Variants in PLCB1 observed in about 807,000 individuals in gnomAD.
PLCB1 encodes 1-phosphatidylinositol 4,5-bisphosphate phosphodiesterase beta-1.
In PLCB1, 46 loss-of-function variants were observed where a neutral mutation model predicts 161.8. The observed-to-expected ratio is 0.28, with a 90% CI of 0.22 to 0.36. The LOEUF (loss-of-function observed/expected upper bound fraction) is 0.36. PLCB1 is among the 10% of genes least tolerant of loss of function. The pLI is 1.00. For missense variants in PLCB1, 1,016 were observed against 1,472.5 expected (o/e 0.69, Z 5.07); for synonymous variants, 517 against 503.7 (o/e 1.03, Z -0.35).
At chr20:8,670,902 C>T (rs958086048) in intron 9 of PLCB1, among the ~76,000 whole-genome samples, 7 of 152,210 alleles carry the variant, frequency 4.6e-5, no homozygotes, top group Admixed American at 6.5e-5. Flanking sequence ...CAGGAAAAAA[C>T]GTGAGCCGAG....
rs574801810 is a variant in PLCB1 at position 8,492,836 on chromosome 20, T to TTA, written c.246+121398_246+121399dup. 9.0e-4 allele frequency among the ~76,000 whole-genome samples: 116 copies of TTA among 129,200 alleles called. 1 individual carries two copies. In the East Asian group the frequency reaches 0.017, roughly 19 times the overall value. 84.8% of individuals were successfully genotyped at this position (129,200 alleles called of 152,430 possible). A position where few individuals can be genotyped will look rare whatever the true frequency, so the allele number is the denominator to read the frequency against. On this transcript the variant is annotated intron_variant, in intron 3 of 31. Coordinates refer to ENST00000338037, the MANE Select transcript of PLCB1 (RefSeq NM_015192.4). ...CTCAATTTCTACAAAGCAAACTTTATTATATATATATATGTGTGTGTGTGT... is the reference window on the plus strand; with the variant it reads ...CTCAATTTCTACAAAGCAAACTTTATTATATATATATATATGTGTGTGTGTGT...
chr20:8,811,842 C>G (rs1259561231), intron 31 of PLCB1, among the ~76,000 whole-genome samples: 3 of 152,166 alleles, frequency 2.0e-5, no homozygotes, highest in Non-Finnish European at 4.4e-5. Flanking sequence ...TACTCAGCCT[C>G]CTATAGCAGG....
intron 31 of PLCB1, among the ~76,000 whole-genome samples, chr20:8,793,273 A>G (rs1010068460): frequency 9.9e-5 from 15 of 152,192 alleles, no homozygotes; most frequent in Non-Finnish European, 2.1e-4. Context: ...GTGAGCTGAC[A>G]TTGCAGCAGG....
intron 3 of PLCB1, among the ~76,000 whole-genome samples, chr20:8,535,537 T>C (rs1225564862): frequency 3.9e-5 from 6 of 152,054 alleles, no homozygotes. Flanking sequence ...GGAAATAATA[T>C]AAGTAACCAG....
chr20:8,703,210 G>C (rs1231020374), intron 11 of PLCB1, among the ~76,000 whole-genome samples: 1 of 152,032 alleles, frequency 6.6e-6, no homozygotes, highest in Admixed American at 6.5e-5. Flanking sequence ...TTACCTCCTA[G>C]GGTGGTTGTA....
At chr20:8,417,073 A>ATATT (rs1979327543) in intron 3 of PLCB1, among the ~76,000 whole-genome samples, 14 of 39,892 alleles carry the variant, frequency 3.5e-4, no homozygotes, top group South Asian at 1.3e-3. Flanking sequence ...ATATATATAT[A>ATATT]TTTTTTTTTT....
At chr20:8,206,562 G>T (rs910869745) in intron 2 of PLCB1, among the ~76,000 whole-genome samples, 1 of 152,012 alleles carries the variant, frequency 6.6e-6, no homozygotes, top group Non-Finnish European at 1.5e-5. Context: ...TTTTGGACCT[G>T]CATCTAGATT....
intron 2 of PLCB1, among the ~76,000 whole-genome samples, chr20:8,269,070 T>G (rs1482480963): frequency 6.6e-6 from 1 of 152,042 alleles, no homozygotes; most frequent in African/African-American, 2.4e-5. Flanking sequence ...TGAGAATTTA[T>G]GAAGAACTTT....
intron 2 of PLCB1, among the ~76,000 whole-genome samples, chr20:8,364,295 A>G (rs943040698): frequency 1.3e-5 from 2 of 152,212 alleles, no homozygotes; most frequent in Non-Finnish European, 2.9e-5. Context: ...TATCTGCCGC[A>G]TTCATATACT....
At chr20:8,234,958 G>C (rs1273412612) in intron 2 of PLCB1, among the ~76,000 whole-genome samples, 1 of 152,014 alleles carries the variant, frequency 6.6e-6, no homozygotes, top group East Asian at 1.9e-4. Flanking sequence ...AATTTGAGGG[G>C]TTCAGAAACA....
chr20:8,226,356 A>G (rs1042887352), intron 2 of PLCB1, among the ~76,000 whole-genome samples: 6 of 151,938 alleles, frequency 3.9e-5, no homozygotes, highest in Non-Finnish European at 5.9e-5. Context: ...CACCTCCCTC[A>G]CGTTTGCCAT....
chr20:8,847,636 CA>C, intron 31 of PLCB1, among the ~76,000 whole-genome samples: 1 of 152,312 alleles, frequency 6.6e-6, no homozygotes, highest in African/African-American at 2.4e-5. Flanking sequence ...AGACTGCCCC[CA>C]CTTCAGGTGC....
intron 3 of PLCB1, among the ~76,000 whole-genome samples, chr20:8,555,694 T>C (rs1003945920): frequency 6.6e-5 from 10 of 152,126 alleles, no homozygotes; most frequent in African/African-American, 2.4e-4. Flanking sequence ...CAACTGTGTA[T>C]GTCAGAGTAG....
intron 3 of PLCB1, among the ~76,000 whole-genome samples, chr20:8,443,259 C>T (rs1165318662): frequency 1.3e-5 from 2 of 152,060 alleles, no homozygotes; most frequent in Admixed American, 6.5e-5. Context: ...GGATTACAGG[C>T]GTGAGCCACA....
chr20:8,714,023 G>T (rs971677069), intron 12 of PLCB1, among the ~76,000 whole-genome samples: 7 of 152,072 alleles, frequency 4.6e-5, no homozygotes, highest in African/African-American at 1.7e-4. Context: ...TTTCACTCCA[G>T]GTGTTTGATC....
intron 3 of PLCB1, among the ~76,000 whole-genome samples, chr20:8,430,997 C>T (rs1370209936): frequency 6.6e-6 from 1 of 151,768 alleles, no homozygotes; most frequent in African/African-American, 2.4e-5. Flanking sequence ...AAAGTTTTTC[C>T]TTATGGTTTA....
chr20:8,727,758 T>C (rs1980017745), intron 17 of PLCB1, among the ~76,000 whole-genome samples: 1 of 152,054 alleles, frequency 6.6e-6, no homozygotes, highest in East Asian at 1.9e-4. Flanking sequence ...GTGTGCATAC[T>C]TTACACATAT....
chr20:8,228,304 A>G (rs1206796036), intron 2 of PLCB1, among the ~76,000 whole-genome samples: 1 of 152,090 alleles, frequency 6.6e-6, no homozygotes, highest in African/African-American at 2.4e-5. Context: ...CCACCTCCCC[A>G]CTATCTCATA....
At chr20:8,465,341 C>G (rs1981770806) in intron 3 of PLCB1, among the ~76,000 whole-genome samples, 1 of 152,038 alleles carries the variant, frequency 6.6e-6, no homozygotes, top group Non-Finnish European at 1.5e-5. Flanking sequence ...AAATACCGAC[C>G]AGGTTGTGGG....
Sources: allele counts gnomAD v4.1 joint callset (sites outside exome capture counted in the v4.1 genomes callset), GRCh38; gene constraint gnomAD v4.1.1; transcripts MANE v1.5; gene names NCBI Gene and HGNC (gene_info 2026-07-23, HGNC 2026-07-21).